The following PASD1 variants were observed in gnomAD, a reference collection of about 807,000 sequenced individuals.
The protein encoded by PASD1 is circadian clock protein PASD1.
A neutral mutation model predicts 58.8 loss-of-function variants in PASD1; 13 were observed. That is an observed-to-expected ratio of 0.22 (90% CI 0.14 to 0.35). PASD1 has a LOEUF of 0.35. Among genes scored for constraint, PASD1 ranks in the 10% least tolerant of loss-of-function variants. The pLI is 1.00. For synonymous variants in PASD1, 236 were observed against 216.7 expected, an observed-to-expected ratio of 1.09 and a Z score of -0.78; for missense variants, 734 against 568.3, an observed-to-expected ratio of 1.29 and a Z score of -2.96.
chrX:151,640,508 C>G (rs886617196), intron 8 of PASD1, among the ~76,000 whole-genome samples: 2 of 111,689 alleles, frequency 1.8e-5, no homozygotes, highest in African/African-American at 6.5e-5. Context: ...GAGATGCATC[C>G]CTATAGAACA....
Position 151,620,982 on chromosome X carries a change from A to T in PASD1, c.260A>T (p.Asp87Val), listed in dbSNP as rs1176279306. The T allele has an allele frequency of 8.3e-7, 1 of 1,208,523 alleles. No homozygotes were observed. Among genetic ancestry groups the T allele is most frequent in the Non-Finnish European group, 1.1e-6 (1 of 893,428 alleles). Residue 87 changes from aspartate to valine, a missense_variant, in exon 5 of 16, where the codon GAT (aspartate) becomes GTT (valine). By Grantham distance (152) the Asp-to-Val change is radical. Transcript: ENST00000370357. ...AGCCTTCTGCCTGATGAAGAGAAAG[A>T]TGAAGTCTACCAAAAGATTATTCTC... ...LLSLLPDEEK[D>V]EVYQKIILKF...
intron 8 of PASD1, among the ~76,000 whole-genome samples, chrX:151,629,839 C>G (rs1219822223): frequency 9.0e-6 from 1 of 111,594 alleles, no homozygotes; most frequent in Non-Finnish European, 1.9e-5. Flanking sequence ...ACTAGCATAT[C>G]AGTGTAGCAA....
intron 9 of PASD1, among the ~76,000 whole-genome samples, chrX:151,653,193 TA>T (rs1213696176): frequency 3.5e-3 from 306 of 87,359 alleles, no homozygotes; most frequent in African/African-American, 7.5e-3. Context: ...TATATATATA[TA>T]TATTTTTTTT....
At chrX:151,619,936 T>G (rs1425156739) in intron 4 of PASD1, among the ~76,000 whole-genome samples, 3 of 111,516 alleles carry the variant, frequency 2.7e-5, no homozygotes, top group Non-Finnish European at 5.6e-5. Context: ...TTTTCCTGAT[T>G]ATTTTTAAAA....
At chrX:151,612,958 A>G (rs1336049083) in intron 4 of PASD1, among the ~76,000 whole-genome samples, 1 of 111,826 alleles carries the variant, frequency 8.9e-6, no homozygotes, top group Non-Finnish European at 1.9e-5. Context: ...TAGGTCTAAC[A>G]TTTAAGTCTT....
chrX:151,563,929 A>T (rs1298265968), intron 1 of PASD1, 90 bp downstream of exon 1: 1 of 112,528 alleles, frequency 8.9e-6, no homozygotes, highest in East Asian at 2.8e-4. Flanking sequence ...TCGGTGGCTG[A>T]GGAGCCCAAG....
chrX:151,654,285 G>C (rs976307678), intron 9 of PASD1, among the ~76,000 whole-genome samples: 2 of 110,346 alleles, frequency 1.8e-5, no homozygotes, highest in African/African-American at 6.6e-5. Context: ...TGTTTTCTTT[G>C]GGGGGAGGAG....
rs368384360 is a variant in PASD1, at chrX:151,571,543, C to T, written c.-28+7704C>T. Among the ~76,000 whole-genome samples, 39 of 111,727 alleles carry T rather than the reference C, an allele frequency of 3.5e-4. 1 individual carries two copies. In the South Asian group the frequency reaches 0.014, roughly 40 times the overall value. On this transcript the variant is annotated intron_variant, in intron 1 of 15. Transcript: ENST00000370357. ...TCTAATTTCAAATATTCTCTGTGAA[C>T]ATGTCTTATAGAGTCATGGATTCCC...
intron 1 of PASD1, among the ~76,000 whole-genome samples, chrX:151,565,946 A>G (rs1186984088): frequency 4.5e-5 from 5 of 112,311 alleles, no homozygotes; most frequent in Non-Finnish European, 7.5e-5. Flanking sequence ...AATAAGAATT[A>G]GACTAGAAAT....
chrX:151,600,144 A>G (rs1180100258), intron 1 of PASD1, among the ~76,000 whole-genome samples: 1 of 111,674 alleles, frequency 9.0e-6, no homozygotes, highest in African/African-American at 3.3e-5. Flanking sequence ...TGCGCCTGCA[A>G]TCCCAGGCAC....
At chrX:151,611,524 A>T in intron 3 of PASD1, 140 bp from the exon 4 acceptor site, 1 of 396,456 alleles carries the variant, frequency 2.5e-6, no homozygotes, top group Non-Finnish European at 4.3e-6. Flanking sequence ...ATTTTAATTA[A>T]GTCTGTGCCT....
chrX:151,632,743 T>C (rs1052788529), intron 8 of PASD1, among the ~76,000 whole-genome samples: 10 of 112,043 alleles, frequency 8.9e-5, no homozygotes, highest in Non-Finnish European at 1.9e-5. Context: ...TTTTAAAAAC[T>C]ATAATGCTCA....
chrX:151,654,021 G>GA (rs1384652341), intron 9 of PASD1, among the ~76,000 whole-genome samples: 1 of 98,822 alleles, frequency 1.0e-5, no homozygotes, highest in Non-Finnish European at 2.0e-5. Flanking sequence ...GCCCAGACTG[G>GA]AATGCAGTGG....
chrX:151,599,427 G>A (rs1226402436), intron 1 of PASD1, among the ~76,000 whole-genome samples: 18 of 105,873 alleles, frequency 1.7e-4, no homozygotes, highest in Admixed American at 9.7e-5. Context: ...CCTCCCGGAC[G>A]GGGCGGCTGG....
chrX:151,672,254 G>A lies in PASD1; in HGVS notation c.1509G>A (p.Leu503=), dbSNP rs1317699827. Residue 503 remains leucine (L), a synonymous_variant, in exon 14 of 16, where the codon CTG becomes CTA. Coordinates refer to ENST00000370357, the MANE Select transcript of PASD1 (RefSeq NM_173493.3). ...QRQLREQLQQ[L]REQRKVQKQK... is the part of the protein sequence containing the mutation. ...AGCTGCGGGAGCAGCTGCAACAGCT[G>A]AGAGAGCAAAGGAAGGTGCAGAAGC... The A allele has an allele frequency of 4.3e-6, 5 of 1,165,969 alleles. No homozygotes were observed. Among genetic ancestry groups the A allele is most frequent in the Admixed American group, 2.6e-5 (1 of 38,518 alleles).
intron 1 of PASD1, among the ~76,000 whole-genome samples, chrX:151,564,821 T>C (rs12841488): frequency 0.26 from 28,398 of 110,248 alleles, 3,528 homozygotes; most frequent in Non-Finnish European, 0.38. Flanking sequence ...CAGTGAGTCA[T>C]GAATGAACCA....
intron 4 of PASD1, among the ~76,000 whole-genome samples, chrX:151,615,659 C>T (rs1046455590): frequency 9.0e-6 from 1 of 111,566 alleles, no homozygotes; most frequent in African/African-American, 3.3e-5. Context: ...AGAGTGTCTG[C>T]GTGGCTCCAG....
At chrX:151,574,138 C>A (rs991524085) in intron 1 of PASD1, among the ~76,000 whole-genome samples, 6 of 112,292 alleles carry the variant, frequency 5.3e-5, no homozygotes, top group Admixed American at 1.9e-4. Context: ...CTTGAGGTCA[C>A]AATTGTGCCA....
At chrX:151,579,138 T>C (rs2013050806) in intron 1 of PASD1, among the ~76,000 whole-genome samples, 1 of 112,142 alleles carries the variant, frequency 8.9e-6, no homozygotes, top group Non-Finnish European at 1.9e-5. Context: ...GTTTTATTTT[T>C]AGTGTATATG....
Sources: allele counts gnomAD v4.1 joint callset (sites outside exome capture counted in the v4.1 genomes callset), GRCh38; gene constraint gnomAD v4.1.1; transcripts MANE v1.5; gene names NCBI Gene and HGNC (gene_info 2026-07-23, HGNC 2026-07-21).